Variants in MEI4 observed in about 807,000 individuals in gnomAD.
The protein encoded by MEI4 is meiotic double-stranded break formation protein 4.
In MEI4, 27 loss-of-function variants were observed where a neutral mutation model predicts 31.4. The ratio of observed to expected loss-of-function variants is 0.86; its 90% confidence interval spans 0.63 to 1.19. MEI4 has a LOEUF of 1.19. Ranked by LOEUF, MEI4 falls within the 50% of genes most tolerant of loss-of-function variation. MEI4 has a pLI of 0.00. For synonymous variants in MEI4, 122 were observed against 145.4 expected, an observed-to-expected ratio of 0.84 and a Z score of 1.16; for missense variants, 329 against 398.9, an observed-to-expected ratio of 0.82 and a Z score of 1.49.
At position 77,926,316 on chromosome 6, in the gene MEI4, A is replaced by G. The variant is rs1287085363; in HGVS notation, c.*2970A>G. On this transcript the variant is annotated 3_prime_UTR_variant, in exon 5 of 5. Transcript: ENST00000684080. ...GAGGAACAGCATCTTTGACCTTTTC[A>G]GGGTTGTAGCATCTTGCTACTCAAG... The G allele has an allele frequency of 2.6e-5, 4 of 151,896 alleles. No homozygotes were observed. Among genetic ancestry groups the G allele is most frequent in the Non-Finnish European group, 5.9e-5 (4 of 67,922 alleles). 9.4% of individuals were successfully genotyped at this position (151,896 alleles called of 1,614,324 possible). A position where few individuals can be genotyped will look rare whatever the true frequency, so the allele number is the denominator to read the frequency against.
intron 4 of MEI4, among the ~76,000 whole-genome samples, chr6:77,902,777 G>A (rs9361308): frequency 6.6e-6 from 1 of 151,802 alleles, no homozygotes; most frequent in Non-Finnish European, 1.5e-5. Context: ...GACATGGAAA[G>A]CCCCCTCCTG....
At chr6:77,658,697 T>C (rs1403458991) in intron 1 of MEI4, among the ~76,000 whole-genome samples, 2 of 152,064 alleles carry the variant, frequency 1.3e-5, no homozygotes, top group Non-Finnish European at 2.9e-5. Flanking sequence ...ATATAATGAT[T>C]GGTGATGGCC....
intron 1 of MEI4, among the ~76,000 whole-genome samples, chr6:77,663,252 G>A (rs1273448956): frequency 2.6e-5 from 4 of 152,224 alleles, no homozygotes; most frequent in Non-Finnish European, 4.4e-5. Flanking sequence ...TAGCAGGCAA[G>A]TGATAACAGG....
chr6:77,917,991 G>T (rs1178190246), intron 4 of MEI4, among the ~76,000 whole-genome samples: 1 of 151,708 alleles, frequency 6.6e-6, no homozygotes, highest in Non-Finnish European at 1.5e-5. Flanking sequence ...CATATGGCTA[G>T]CCAGTTTTCC....
At chr6:77,915,543 C>A (rs1304226968) in intron 4 of MEI4, among the ~76,000 whole-genome samples, 1 of 151,926 alleles carries the variant, frequency 6.6e-6, no homozygotes, top group Non-Finnish European at 1.5e-5. Flanking sequence ...ATGGGCTTTT[C>A]TCTTGCTATT....
chr6:77,732,553 T>C (rs1273053360), intron 2 of MEI4, among the ~76,000 whole-genome samples: 3 of 152,044 alleles, frequency 2.0e-5, no homozygotes, highest in Admixed American at 1.3e-4. Flanking sequence ...TTTCCAGATA[T>C]ACAATCATGT....
rs567862738 is a variant in MEI4 at position 77,689,137 on chromosome 6, TCAC to T, written c.-14-1518_-14-1516del. Among the ~76,000 whole-genome samples the T allele has an allele frequency of 3.4e-3, 511 of 152,110 alleles. 2 individuals are homozygous for T. The highest frequency in any genetic ancestry group is 0.012 in the African/African-American group (500 of 41,524). ...AGAAATGAAGATAAGAGGATAAAAATCACCAATAATTCTACAGTTATACTTTCT... is the reference window on the plus strand; with the variant it reads ...AGAAATGAAGATAAGAGGATAAAAATCAATAATTCTACAGTTATACTTTCT... On this transcript the variant is annotated intron_variant, in intron 1 of 4. Coordinates refer to ENST00000684080, the MANE Select transcript of MEI4 (RefSeq NM_001322247.2).
chr6:77,838,090 A>G (rs1470514850), intron 4 of MEI4, among the ~76,000 whole-genome samples: 1 of 152,124 alleles, frequency 6.6e-6, no homozygotes, highest in Non-Finnish European at 1.5e-5. Flanking sequence ...AACAACATAT[A>G]AAGCTTAAAA....
chr6:77,913,932 G>T (rs1180754011), intron 4 of MEI4, among the ~76,000 whole-genome samples: 1 of 150,976 alleles, frequency 6.6e-6, no homozygotes, highest in Non-Finnish European at 1.5e-5. Context: ...TACTCCAGAG[G>T]CTAAGGCAGG....
At chr6:77,744,171 G>A (rs1012880863) in intron 2 of MEI4, among the ~76,000 whole-genome samples, 38 of 152,192 alleles carry the variant, frequency 2.5e-4, no homozygotes, top group Non-Finnish European at 3.8e-4. Flanking sequence ...AAACTACTCC[G>A]AGCTACAGGA....
At chr6:77,874,411 G>T (rs1314015255) in intron 4 of MEI4, among the ~76,000 whole-genome samples, 1 of 152,160 alleles carries the variant, frequency 6.6e-6, no homozygotes, top group African/African-American at 2.4e-5. Context: ...CTGTTTGTCT[G>T]TTATTGGTGT....
intron 2 of MEI4, among the ~76,000 whole-genome samples, chr6:77,719,183 A>T (rs920492927): frequency 7.0e-6 from 1 of 142,248 alleles, no homozygotes; most frequent in African/African-American, 2.7e-5. Flanking sequence ...AATAGTTCCA[A>T]ATTCATTGTT....
At chr6:77,919,775 G>T (rs1274652116) in intron 4 of MEI4, among the ~76,000 whole-genome samples, 2 of 149,382 alleles carry the variant, frequency 1.3e-5, no homozygotes, top group Non-Finnish European at 3.0e-5. Context: ...GAAAAAAAGA[G>T]AGAAGAATCA....
Position 77,855,114 on chromosome 6 carries a change from G to A in MEI4, c.900+26052G>A, listed in dbSNP as rs1257099799. ...AGCCAGCACGTTGGGAGGCCAAGGC[G>A]GGCAGATCACCTGAGGTCAGGAGTT... is the stretch of plus-strand genomic sequence containing the variant. On this transcript the variant is annotated intron_variant, in intron 4 of 4. Transcript: ENST00000684080. Among the ~76,000 whole-genome samples, 8 of 152,060 alleles carry A rather than the reference G, an allele frequency of 5.3e-5. 1 individual carries two copies. The highest frequency in any genetic ancestry group is 4.1e-4 in the South Asian group (2 of 4,828).
chr6:77,922,413 CTTAA>C lies in MEI4; in HGVS notation c.901-668_901-665del, dbSNP rs554974555. On this transcript the variant is annotated intron_variant, in intron 4 of 4. Coordinates refer to ENST00000684080, the MANE Select transcript of MEI4 (RefSeq NM_001322247.2). ...ACCTCATAGGGCTTCTGACACATTT[CTTAA>C]TTAATTAGCTAATGATAAAGCCAGT... 2.9e-4 allele frequency among the ~76,000 whole-genome samples: 44 copies of C among 151,764 alleles called. No homozygotes were observed. In the East Asian group the frequency reaches 6.6e-3, roughly 23 times the overall value.
At chr6:77,682,089 A>T (rs1409945232) in intron 1 of MEI4, among the ~76,000 whole-genome samples, 2 of 152,234 alleles carry the variant, frequency 1.3e-5, no homozygotes, top group African/African-American at 4.8e-5. Context: ...TAAACTAATT[A>T]TCTCAAAAGT....
chr6:77,776,489 T>A (rs954772047), intron 3 of MEI4, among the ~76,000 whole-genome samples: 5 of 152,156 alleles, frequency 3.3e-5, no homozygotes, highest in Non-Finnish European at 7.3e-5. Context: ...TCCTTCAGGC[T>A]TCTGGGAACT....
chr6:77,790,396 A>C (rs933176150), intron 3 of MEI4, among the ~76,000 whole-genome samples: 1 of 152,084 alleles, frequency 6.6e-6, no homozygotes, highest in Non-Finnish European at 1.5e-5. Context: ...CTTAAAGTTT[A>C]ATTAAAAGAA....
intron 4 of MEI4, among the ~76,000 whole-genome samples, chr6:77,866,877 A>G (rs1369105114): frequency 6.6e-6 from 1 of 152,218 alleles, no homozygotes; most frequent in Non-Finnish European, 1.5e-5. Flanking sequence ...AAACAGAGAT[A>G]TAGACCAATG....
Sources: allele counts gnomAD v4.1 joint callset (sites outside exome capture counted in the v4.1 genomes callset), GRCh38; gene constraint gnomAD v4.1.1; transcripts MANE v1.5; gene names NCBI Gene and HGNC (gene_info 2026-07-23, HGNC 2026-07-21).